TMPRSS15: variants seen among roughly 807,000 people sequenced by gnomAD.
TMPRSS15 encodes the protein enteropeptidase.
In TMPRSS15, 128 loss-of-function variants were observed where a neutral mutation model predicts 125.3. The observed-to-expected ratio is 1.02, with a 90% CI of 0.89 to 1.18. The LOEUF is 1.18. Ranked by LOEUF, TMPRSS15 falls within the 50% of genes most tolerant of loss-of-function variation. The probability of loss-of-function intolerance (pLI) is 0.00; values close to 1 mark genes in which losing one functional copy is unlikely to be tolerated. For synonymous variants in TMPRSS15, 446 were observed against 423.2 expected (o/e 1.05, Z -0.66); for missense variants, 1,283 against 1,212.7 (o/e 1.06, Z -0.86).
chr21:18,279,968 C>G (rs2074671859), intron 22 of TMPRSS15, among the ~76,000 whole-genome samples: 2 of 152,076 alleles, frequency 1.3e-5, no homozygotes, highest in Admixed American at 6.5e-5. Context: ...CATGTAAGAC[C>G]TAGGGCAGAC....
chr21:18,377,815 A>C (rs1452396226), intron 5 of TMPRSS15, among the ~76,000 whole-genome samples: 2 of 152,140 alleles, frequency 1.3e-5, no homozygotes. Context: ...TATGGGTGGC[A>C]TACTTTCCCA....
intron 1 of TMPRSS15, among the ~76,000 whole-genome samples, chr21:18,476,905 CT>C (rs199599102): frequency 8.8e-4 from 127 of 143,906 alleles, no homozygotes; most frequent in Middle Eastern, 3.6e-3. Context: ...TTCTCTCTCT[CT>C]TTTTTTTTTT....
chr21:18,432,362 T>C (rs1365044658), intron 1 of TMPRSS15, among the ~76,000 whole-genome samples: 1 of 152,192 alleles, frequency 6.6e-6, no homozygotes, highest in African/African-American at 2.4e-5. Flanking sequence ...CTTACTTTTG[T>C]GTCATGTTAA....
At chr21:18,272,062 A>G (rs1326797650) in intron 24 of TMPRSS15, among the ~76,000 whole-genome samples, 1 of 152,210 alleles carries the variant, frequency 6.6e-6, no homozygotes, top group East Asian at 1.9e-4. Context: ...ATGTCTTTAC[A>G]GTACAATGAT....
Position 18,313,064 on chromosome 21 carries a change from A to T in TMPRSS15, c.2046T>A (p.Asn682Lys), listed in dbSNP as rs1030299321. Residue 682 changes from asparagine to lysine, a missense_variant, in exon 18 of 25, where the codon AAT becomes AAA. Transcript: ENST00000284885. ...CTAAACCATTGTTGTTCGTTGTGCC[A>T]TTGAAAAAACGCACTAAAGACACAG... ...SDEADCVRFF[N>K]GTTNNNGLVR... 1 of 1,613,760 alleles carries T rather than the reference A, an allele frequency of 6.2e-7. No individual in the cohort carries two copies. Among genetic ancestry groups the T allele is most frequent in the African/African-American group, 1.3e-5 (1 of 74,894 alleles).
intron 3 of TMPRSS15, among the ~76,000 whole-genome samples, chr21:18,394,713 A>C (rs1423265521): frequency 6.6e-6 from 1 of 152,138 alleles, no homozygotes; most frequent in Non-Finnish European, 1.5e-5. Context: ...TCATTATGAA[A>C]AAAAAACACA....
At chr21:18,408,254 C>T (rs1288530857), upstream of TMPRSS15, among the ~76,000 whole-genome samples, 3 of 152,088 alleles carry the variant, frequency 2.0e-5, no homozygotes, top group East Asian at 5.8e-4. Flanking sequence ...TGCAGAGTTC[C>T]TAAAGATTAA....
chr21:18,460,717 T>G (rs925510615), intron 1 of TMPRSS15: 1 of 152,186 alleles, frequency 6.6e-6, no homozygotes, highest in Non-Finnish European at 1.5e-5. Flanking sequence ...TATTGTTCTA[T>G]TCAGTCACCT....
At position 18,433,663 on chromosome 21, in the gene TMPRSS15, C is replaced by CAAAAAA. The variant is rs58432155; in HGVS notation, c.11-35340_11-35335dup. ...TGGGTGAGAAAGTAAGACCTTGTCTCAAAAAAAAAAAAAAAAAAAAAAAGA... is the reference window on the plus strand; with the variant it reads ...TGGGTGAGAAAGTAAGACCTTGTCTCAAAAAAAAAAAAAAAAAAAAAAAAAAAAAGA... On this transcript the variant is annotated intron_variant, in intron 1 of 7. Transcript: ENST00000422787. 9.4e-3 allele frequency among the ~76,000 whole-genome samples: 588 copies of CAAAAAA among 62,398 alleles called. 44 individuals are homozygous for CAAAAAA. The highest frequency in any genetic ancestry group is 0.036 in the African/African-American group (564 of 15,728). The allele number at this position is 62,398 out of a possible 152,430, so 40.9% of individuals were successfully genotyped here.
At chr21:18,323,730 C>T (rs1436842042) in intron 16 of TMPRSS15, among the ~76,000 whole-genome samples, 1 of 151,830 alleles carries the variant, frequency 6.6e-6, no homozygotes, top group East Asian at 1.9e-4. Flanking sequence ...AAATCCTTTC[C>T]TTGACAGAAT....
At chr21:18,394,164 C>T (rs2076013468) in intron 3 of TMPRSS15, among the ~76,000 whole-genome samples, 1 of 152,122 alleles carries the variant, frequency 6.6e-6, no homozygotes, top group African/African-American at 2.4e-5. Context: ...GTGCAAAGCA[C>T]AGAACAATAT....
chr21:18,404,357 A>C (rs1180584728), upstream of TMPRSS15, among the ~76,000 whole-genome samples: 1 of 152,322 alleles, frequency 6.6e-6, no homozygotes, highest in African/African-American at 2.4e-5. Flanking sequence ...AGTACCTGTC[A>C]TAAGAGGAAT....
intron 18 of TMPRSS15, among the ~76,000 whole-genome samples, chr21:18,299,583 G>C (rs1363496040): frequency 6.6e-6 from 1 of 152,170 alleles, no homozygotes; most frequent in Admixed American, 6.5e-5. Context: ...TGGTTGGTTG[G>C]GAGAGTCATT....
intron 18 of TMPRSS15, among the ~76,000 whole-genome samples, chr21:18,300,765 T>A (rs1392251486): frequency 6.6e-6 from 1 of 151,526 alleles, no homozygotes; most frequent in Non-Finnish European, 1.5e-5. Context: ...CATCTACTTC[T>A]GGCATGCATT....
In TMPRSS15 at chr21:18,326,485, G is replaced by C; in HGVS notation, c.1868C>G (p.Ala623Gly). The C allele has an allele frequency of 6.2e-7, 1 of 1,614,098 alleles. No individual in the cohort carries two copies. The highest frequency in any genetic ancestry group is 1.1e-5 in the South Asian group (1 of 91,088). Residue 623 changes from alanine to glycine, a missense_variant, in exon 16 of 25, where the codon GCA (alanine) becomes GGA (glycine). Physicochemically the swap from Ala to Gly is moderately conservative, Grantham distance 60. Transcript: ENST00000284885. ...AAAGTTTGCTTTAAACCCTCCTCTTGCCAACACATCGTTAGTGATGAGAAG... is the reference window on the plus strand; with the variant it reads ...AAAGTTTGCTTTAAACCCTCCTCTTCCCAACACATCGTTAGTGATGAGAAG... ...TVLLITNDVL[A>G]RGGFKANFTT...
rs1223645049 is a variant in TMPRSS15, at chr21:18,353,004, A to T, written c.1070T>A (p.Val357Asp). ...TTCATTATCATCATTTAGATCCTGG[A>T]CCCAGAAACAAAAGCCATCCTCAAA... is the stretch of plus-strand genomic sequence containing the variant. ...CNFEDGFCFW[V>D]QDLNDDNEWE... is the part of the protein sequence containing the mutation. The change falls in exon 10 of 25, where the codon GTC (valine) becomes GAC (aspartate). Residue 357 changes from valine (V) to aspartate (D), a missense_variant. Physicochemically the swap from Val to Asp is radical, Grantham distance 152 (BLOSUM62 -3). Coordinates refer to ENST00000284885, the MANE Select transcript of TMPRSS15 (RefSeq NM_002772.3). 3 of 1,611,724 alleles carry T rather than the reference A, an allele frequency of 1.9e-6. No homozygotes were observed. The highest frequency in any genetic ancestry group is 1.7e-5 in the Admixed American group (1 of 59,910).
chr21:18,372,045 A>G, intron 6 of TMPRSS15, 148 bp downstream of exon 6: 1 of 414,036 alleles, frequency 2.4e-6, no homozygotes, highest in Non-Finnish European at 3.9e-6. Context: ...ATATTTTAAA[A>G]ATAGCTATTT....
chr21:18,471,902 C>T (rs958391755), intron 1 of TMPRSS15, among the ~76,000 whole-genome samples: 1 of 152,102 alleles, frequency 6.6e-6, no homozygotes, highest in East Asian at 1.9e-4. Context: ...CGAATCAGCA[C>T]TCACTGTGGT....
At chr21:18,277,161 C>T (rs559743437) in intron 23 of TMPRSS15, among the ~76,000 whole-genome samples, 14 of 152,238 alleles carry the variant, frequency 9.2e-5, no homozygotes, top group Non-Finnish European at 1.5e-4. Context: ...AATATTTAAA[C>T]ATGATCTAGC....
Sources: gnomAD v4.1 joint callset for allele counts (sites outside exome capture counted in the v4.1 genomes callset) on GRCh38, gnomAD v4.1.1 for gene constraint, MANE v1.5 for transcripts, NCBI Gene and HGNC (gene_info 2026-07-23, HGNC 2026-07-21) for gene names.